Variants in MICU2 observed in about 807,000 individuals in gnomAD.
The protein encoded by MICU2 is calcium uptake protein 2, mitochondrial.
In MICU2, 64 loss-of-function variants were observed where a neutral mutation model predicts 60.4. That is an observed-to-expected ratio of 1.06 (90% CI 0.87 to 1.31). The LOEUF is 1.31. Ranked by LOEUF, MICU2 falls within the 50% of genes most tolerant of loss-of-function variation. The pLI is 0.00. For synonymous variants in MICU2, 201 were observed against 175.0 expected (o/e 1.15, Z -1.17); for missense variants, 569 against 531.0 (o/e 1.07, Z -0.70).
intron 2 of MICU2, among the ~76,000 whole-genome samples, chr13:21,549,660 T>TCATA (rs1422572578): frequency 6.6e-6 from 1 of 152,194 alleles, no homozygotes; most frequent in Non-Finnish European, 1.5e-5. Flanking sequence ...TAAGGGCATA[T>TCATA]CATATACTGG....
At position 21,582,705 on chromosome 13, in the gene MICU2, TA is replaced by T. The variant is rs372867659; in HGVS notation, c.211-15762del. Among the ~76,000 whole-genome samples, 322 of 152,298 alleles carry T rather than the reference TA, an allele frequency of 2.1e-3. 1 individual carries two copies. Among genetic ancestry groups the T allele is most frequent in the African/African-American group, 7.5e-3 (312 of 41,556 alleles). On this transcript the variant is annotated intron_variant, in intron 1 of 11. Coordinates refer to ENST00000382374, the MANE Select transcript of MICU2 (RefSeq NM_152726.3). ...CTCATTCCAATTTCCTGCTCTGCCA[TA>T]AGTGTTTTTCCCACCAAACCACTCA... is the stretch of plus-strand genomic sequence containing the variant.
chr13:21,524,513 C>A (rs1886801162), intron 4 of MICU2, among the ~76,000 whole-genome samples: 1 of 152,192 alleles, frequency 6.6e-6, no homozygotes, highest in Non-Finnish European at 1.5e-5. Context: ...TATCAATTTT[C>A]CTGTTTTAGA....
chr13:21,590,935 A>G (rs534708492), intron 1 of MICU2, among the ~76,000 whole-genome samples: 118 of 152,356 alleles, frequency 7.7e-4, no homozygotes, highest in African/African-American at 2.8e-3. Flanking sequence ...AAAACACACA[A>G]AAATATAAAG....
chr13:21,545,684 AG>A (rs1454095012), intron 2 of MICU2, among the ~76,000 whole-genome samples: 3 of 151,800 alleles, frequency 2.0e-5, no homozygotes, highest in Admixed American at 6.6e-5. Flanking sequence ...AAAAAAAAAA[AG>A]GGTTGATATC....
Position 21,492,779 on chromosome 13 carries a change from T to G in MICU2, c.*470A>C, listed in dbSNP as rs949608718. ...TTTTAAAGACAATAAACAGCTAAGC[T>G]ACTGACATAAAATATGCAATAAATT... On this transcript the variant is annotated 3_prime_UTR_variant, in exon 12 of 12. Transcript: ENST00000382374. 1.3e-5 allele frequency: 2 copies of G among 152,400 alleles called. No individual in the cohort carries two copies. The highest frequency in any genetic ancestry group is 2.9e-5 in the Non-Finnish European group (2 of 68,092). The allele number at this position is 152,400 out of a possible 1,614,324, so 9.4% of individuals were successfully genotyped here. A position where few individuals can be genotyped will look rare whatever the true frequency, so the allele number is the denominator to read the frequency against.
At chr13:21,593,851 G>A (rs1042606930) in intron 1 of MICU2, among the ~76,000 whole-genome samples, 6 of 152,120 alleles carry the variant, frequency 3.9e-5, no homozygotes, top group East Asian at 1.9e-4. Flanking sequence ...GAAACTGGAC[G>A]CCTTCCTTAC....
chr13:21,494,087 G>A (rs567480479), intron 11 of MICU2, among the ~76,000 whole-genome samples: 18 of 152,232 alleles, frequency 1.2e-4, no homozygotes, highest in African/African-American at 4.1e-4. Context: ...ACACTCAATT[G>A]TGAACTGAAA....
chr13:21,494,634 G>A (rs996411335), intron 11 of MICU2, among the ~76,000 whole-genome samples: 3 of 152,154 alleles, frequency 2.0e-5, no homozygotes, highest in African/African-American at 7.2e-5. Context: ...CAGTAGAGGT[G>A]GGATTTGAAT....
At chr13:21,518,661 A>G (rs1886640882) in intron 6 of MICU2, among the ~76,000 whole-genome samples, 1 of 152,172 alleles carries the variant, frequency 6.6e-6, no homozygotes, top group African/African-American at 2.4e-5. Flanking sequence ...ACAGAATTTC[A>G]CTTATTTAGG....
intron 2 of MICU2, among the ~76,000 whole-genome samples, chr13:21,562,423 G>A (rs987866164): frequency 3.4e-5 from 5 of 145,576 alleles, no homozygotes; most frequent in African/African-American, 9.9e-5. Context: ...TCTAACTATT[G>A]CACTTGAGTT....
intron 6 of MICU2, among the ~76,000 whole-genome samples, chr13:21,519,908 C>A (rs113487279): frequency 2.0e-5 from 3 of 152,114 alleles, no homozygotes; most frequent in African/African-American, 4.8e-5. Context: ...GATCATGCAC[C>A]GGATGAGTTT....
intron 9 of MICU2, among the ~76,000 whole-genome samples, chr13:21,501,466 G>T (rs1886156353): frequency 1.3e-5 from 2 of 152,240 alleles, no homozygotes; most frequent in South Asian, 4.2e-4. Context: ...GTTTCACCGT[G>T]TTAACCAGGA....
At chr13:21,580,122 T>A (rs2138056620) in intron 1 of MICU2, among the ~76,000 whole-genome samples, 1 of 152,288 alleles carries the variant, frequency 6.6e-6, no homozygotes, top group African/African-American at 2.4e-5. Flanking sequence ...TGGTGTCAAA[T>A]GGGGAAATGT....
chr13:21,564,739 T>C (rs111735771), intron 2 of MICU2, among the ~76,000 whole-genome samples: 110 of 152,280 alleles, frequency 7.2e-4, no homozygotes, highest in Non-Finnish European at 1.2e-3. Flanking sequence ...TCTGGGAGTA[T>C]CTAAAAATGG....
At chr13:21,536,801 T>C (rs1887140882) in intron 4 of MICU2, among the ~76,000 whole-genome samples, 1 of 152,338 alleles carries the variant, frequency 6.6e-6, no homozygotes, top group South Asian at 2.1e-4. Flanking sequence ...TTATCACCAA[T>C]CTCAGGTGAA....
At chr13:21,520,432 A>G (rs1485100761) in intron 6 of MICU2, among the ~76,000 whole-genome samples, 4 of 152,326 alleles carry the variant, frequency 2.6e-5, no homozygotes, top group Non-Finnish European at 4.4e-5. Flanking sequence ...CGTTTGCTTC[A>G]TATCACAAAG....
intron 1 of MICU2, among the ~76,000 whole-genome samples, chr13:21,593,810 G>A (rs1487145001): frequency 6.6e-6 from 1 of 152,114 alleles, no homozygotes; most frequent in Non-Finnish European, 1.5e-5. Context: ...AAGTGGTGCT[G>A]GGAAAACTGG....
intron 1 of MICU2, among the ~76,000 whole-genome samples, chr13:21,590,603 G>T (rs531569930): frequency 2.6e-5 from 4 of 152,204 alleles, no homozygotes; most frequent in African/African-American, 9.6e-5. Context: ...TTGGTCGGGC[G>T]TGGTGGCTCA....
intron 6 of MICU2, among the ~76,000 whole-genome samples, chr13:21,515,232 C>G (rs964865169): frequency 2.0e-5 from 3 of 151,994 alleles, no homozygotes; most frequent in African/African-American, 7.2e-5. Context: ...CAGGCACCCG[C>G]CACCATGCCT....
Sources: gnomAD v4.1 joint callset for allele counts (sites outside exome capture counted in the v4.1 genomes callset) on GRCh38, gnomAD v4.1.1 for gene constraint, MANE v1.5 for transcripts, NCBI Gene and HGNC (gene_info 2026-07-23, HGNC 2026-07-21) for gene names.